The following DZIP3 variants were observed in gnomAD, a reference collection of about 807,000 sequenced individuals.
DZIP3 encodes DAZ interacting zinc finger protein 3, also known as E3 ubiquitin-protein ligase DZIP3.
Under a neutral mutation model 162.0 loss-of-function variants are expected in DZIP3, and 118 were observed. That is an observed-to-expected ratio of 0.73 (90% CI 0.63 to 0.85). The LOEUF is 0.85. Among genes scored for constraint, DZIP3 ranks in the 40% least tolerant of loss-of-function variants. The pLI is 0.00. For synonymous variants in DZIP3, 438 were observed against 458.6 expected, an observed-to-expected ratio of 0.96 and a Z score of 0.57; for missense variants, 1,331 against 1,407.0, an observed-to-expected ratio of 0.95 and a Z score of 0.86.
intron 32 of DZIP3, chr3:108,691,377 A>G (rs1366012283): frequency 1.3e-5 from 2 of 151,610 alleles, no homozygotes; most frequent in Non-Finnish European, 2.9e-5. Context: ...AACTTAAAGT[A>G]TAATAATAAT....
intron 12 of DZIP3, among the ~76,000 whole-genome samples, chr3:108,640,673 T>C (rs1942362419): frequency 6.6e-6 from 1 of 152,144 alleles, no homozygotes; most frequent in Non-Finnish European, 1.5e-5. Flanking sequence ...CTTCATCTTC[T>C]GACCTCGTGA....
At position 108,642,534 on chromosome 3, in the gene DZIP3, T is replaced by G. The variant is rs766965900; in HGVS notation, c.1141+20T>G. On this transcript the variant is annotated intron_variant, in intron 13 of 32. Transcript: ENST00000361582. The stretch of plus-strand genomic sequence containing the variant: ...CAAAAGGTATTATTTTATTTTTATA[T>G]GCCTTCTGTTGAAAAGTATGTTAAA... 26 of 1,432,562 alleles carry G rather than the reference T, an allele frequency of 1.8e-5. 1 individual carries two copies. The South Asian group carries it at 3.4e-4, about 19-fold the overall frequency. 88.7% of individuals were successfully genotyped at this position (1,432,562 alleles called of 1,614,324 possible). A position where few individuals can be genotyped will look rare whatever the true frequency, so the allele number is the denominator to read the frequency against.
chr3:108,657,226 G>T (rs992503583), intron 19 of DZIP3, among the ~76,000 whole-genome samples: 12 of 152,042 alleles, frequency 7.9e-5, no homozygotes, highest in Non-Finnish European at 1.8e-4. Context: ...AAATGTTAAG[G>T]GCAGCCAGAG....
Position 108,597,913 on chromosome 3 carries a change from A to G in DZIP3, c.-72-7422A>G, listed in dbSNP as rs562068419. On this transcript the variant is annotated intron_variant, in intron 1 of 32. Transcript: ENST00000361582. Reference sequence around the variant, plus strand: ...GTGATCAAAAAAGTTTGGAGATTTCATTTTTAAAAATCTTTAACTTTGAGA... The same window carrying G: ...GTGATCAAAAAAGTTTGGAGATTTCGTTTTTAAAAATCTTTAACTTTGAGA... Among the ~76,000 whole-genome samples the G allele has an allele frequency of 1.1e-4, 16 of 152,248 alleles. 1 individual carries two copies. The highest frequency in any genetic ancestry group is 6.5e-4 in the Admixed American group (10 of 15,292).
At chr3:108,687,579 A>G (rs1944542288) in intron 28 of DZIP3, among the ~76,000 whole-genome samples, 2 of 152,218 alleles carry the variant, frequency 1.3e-5, no homozygotes, top group South Asian at 4.1e-4. Flanking sequence ...AGAGAAACCA[A>G]TAGCAACATA....
chr3:108,608,927 G>C (rs566130758), intron 3 of DZIP3, among the ~76,000 whole-genome samples: 1 of 152,232 alleles, frequency 6.6e-6, no homozygotes, highest in Admixed American at 6.5e-5. Flanking sequence ...GGACAGGAGG[G>C]GGCATGGCTG....
At chr3:108,649,694 T>C (rs1415402420) in intron 17 of DZIP3, among the ~76,000 whole-genome samples, 1 of 151,836 alleles carries the variant, frequency 6.6e-6, no homozygotes, top group Non-Finnish European at 1.5e-5. Flanking sequence ...TGAGCCCATG[T>C]TGTTAGTCAT....
At chr3:108,631,045 A>ACTCTCTCTCTCTCTCT (rs1273420432) in intron 8 of DZIP3, among the ~76,000 whole-genome samples, 2 of 81,858 alleles carry the variant, frequency 2.4e-5, no homozygotes, top group African/African-American at 5.6e-5. Flanking sequence ...ACACACACAC[A>ACTCTCTCTCTCTCTCT]CACACACACA....
chr3:108,640,647 C>T (rs1166760706), intron 12 of DZIP3, among the ~76,000 whole-genome samples: 2 of 151,892 alleles, frequency 1.3e-5, no homozygotes, highest in Non-Finnish European at 2.9e-5. Context: ...GGTTTCACCA[C>T]ATTGGCTAGG....
intron 32 of DZIP3, among the ~76,000 whole-genome samples, chr3:108,691,594 G>T (rs9819606): frequency 0.33 from 50,058 of 151,820 alleles, 8,579 homozygotes; most frequent in Middle Eastern, 0.38. Flanking sequence ...TAGAATGAGG[G>T]TCTTATGACC....
chr3:108,643,864 G>A (rs1429553510), intron 13 of DZIP3, among the ~76,000 whole-genome samples: 2 of 152,088 alleles, frequency 1.3e-5, no homozygotes, highest in Non-Finnish European at 2.9e-5. Context: ...ACCTAATACT[G>A]TGATGCCATG....
Position 108,616,626 on chromosome 3 carries a change from C to G in DZIP3, c.344C>G (p.Ala115Gly). Reference sequence around the variant, plus strand: ...TTCTTGATTACACAGCTAGAAGCAGCACTTAGGAACATTCAAGCTGGCAAT... The same window carrying G: ...TTCTTGATTACACAGCTAGAAGCAGGACTTAGGAACATTCAAGCTGGCAAT... Reference protein sequence around the residue: ...LRFLITQLEAALRNIQAGNYT... With the variant: ...LRFLITQLEAGLRNIQAGNYT... Residue 115 changes from alanine to glycine, a missense_variant, in exon 5 of 33, where the codon GCA becomes GGA. Around this residue, in one of 2 missense-constraint regions of DZIP3, gnomAD observed 1,278 missense variants for 1,317.1 expected, o/e 0.97. Transcript: ENST00000361582. 1 of 1,599,172 alleles carries G rather than the reference C, an allele frequency of 6.3e-7. No homozygotes were observed. The highest frequency in any genetic ancestry group is 1.4e-5 in the African/African-American group (1 of 73,700).
chr3:108,676,014 A>G, intron 25 of DZIP3, 141 bp downstream of exon 25: 1 of 674,654 alleles, frequency 1.5e-6, no homozygotes, highest in Non-Finnish European at 2.5e-6. Context: ...CTTTGAGATT[A>G]CTTCCATGTG....
intron 1 of DZIP3, among the ~76,000 whole-genome samples, chr3:108,604,573 C>T (rs1940217952): frequency 6.6e-6 from 1 of 152,134 alleles, no homozygotes. Context: ...TGTGTTGCCT[C>T]AGTGTTATTT....
In DZIP3 at chr3:108,662,213, A is replaced by G; in HGVS notation, c.2379A>G (p.Ala793=). The G allele has an allele frequency of 1.2e-6, 2 of 1,605,328 alleles. No individual in the cohort carries two copies. The highest frequency in any genetic ancestry group is 1.7e-6 in the Non-Finnish European group (2 of 1,177,860). ...TTAAAAAGAAAGACAAAATTATCGC[A>G]TCTCTTAATCAACAAGTTGCTTTTG... The part of the protein sequence containing the change: ...MQIKKKDKII[A]SLNQQVAFGI... Residue 793 remains alanine (A), a synonymous_variant, in exon 21 of 33, where the codon GCA becomes GCG. Transcript: ENST00000361582.
chr3:108,603,237 A>G (rs1940132112), intron 1 of DZIP3: 1 of 152,238 alleles, frequency 6.6e-6, no homozygotes, highest in South Asian at 2.1e-4. Context: ...TTCTCTAGGT[A>G]TGAAATAATG....
Position 108,659,389 on chromosome 3 carries a change from CATGATATCTCAAT to C in DZIP3, c.2200-2486_2200-2474del, listed in dbSNP as rs543631122. On this transcript the variant is annotated intron_variant, in intron 19 of 32. Coordinates refer to ENST00000361582, the MANE Select transcript of DZIP3 (RefSeq NM_014648.4). The stretch of plus-strand genomic sequence containing the variant: ...TAAACAGAACCAAAGACAAAAACCA[CATGATATCTCAAT>C]AGATGCAGAAAAGGCCTTTGACAAA... Among the ~76,000 whole-genome samples the C allele has an allele frequency of 8.9e-4, 135 of 152,336 alleles. 4 individuals carry two copies. The South Asian group carries it at 0.027, about 31-fold the overall frequency.
chr3:108,672,486 TC>T (rs1256404975), intron 22 of DZIP3, 73 bp from the exon 23 acceptor site: 1 of 1,233,730 alleles, frequency 8.1e-7, no homozygotes, highest in African/African-American at 1.5e-5. Flanking sequence ...AACTTATCTT[TC>T]TTCCTCCTGA....
At chr3:108,613,402 A>G (rs374642252) in intron 4 of DZIP3, among the ~76,000 whole-genome samples, 1 of 152,202 alleles carries the variant, frequency 6.6e-6, no homozygotes, top group East Asian at 1.9e-4. Context: ...ATGAAGCTCT[A>G]ATAACTAAAA....
Sources: gnomAD v4.1 joint callset for allele counts (sites outside exome capture counted in the v4.1 genomes callset) on GRCh38, gnomAD v4.1.1 for gene constraint, gnomAD v4.1.1 regional missense constraint, MANE v1.5 for transcripts, NCBI Gene and HGNC (gene_info 2026-07-23, HGNC 2026-07-21) for gene names.